ACSS3: variants seen among roughly 807,000 people sequenced by gnomAD.
ACSS3 encodes the protein acyl-CoA synthetase short-chain family member 3, mitochondrial.
A neutral mutation model predicts 84.2 loss-of-function variants in ACSS3; 64 were observed. That is an observed-to-expected ratio of 0.76 (90% CI 0.62 to 0.94). The LOEUF is 0.94. ACSS3 is among the 40% of genes least tolerant of loss of function. The pLI is 0.00. For missense variants in ACSS3, 815 were observed against 867.6 expected (o/e 0.94, Z 0.76); for synonymous variants, 317 against 310.1 (o/e 1.02, Z -0.23).
intron 9 of ACSS3, among the ~76,000 whole-genome samples, chr12:81,205,241 TACACATACCCTTATACTATGTTATTAA>T (rs2032295204): frequency 6.6e-6 from 1 of 152,238 alleles, no homozygotes; most frequent in Admixed American, 6.5e-5. Context: ...ATTCTAAGGG[TACACATACCCTTATACTATGTTATTAA>T]AATGTGTCAG....
At chr12:81,200,405 C>G (rs906375150) in intron 9 of ACSS3, among the ~76,000 whole-genome samples, 4 of 152,084 alleles carry the variant, frequency 2.6e-5, no homozygotes, top group Admixed American at 2.6e-4. Flanking sequence ...GCATCTGGGG[C>G]AGAATATCAA....
At chr12:81,240,131 T>A (rs1451074236) in intron 13 of ACSS3, among the ~76,000 whole-genome samples, 1 of 151,974 alleles carries the variant, frequency 6.6e-6, no homozygotes. Context: ...TTACTGATTG[T>A]GTGCCCAGTG....
intron 2 of ACSS3, among the ~76,000 whole-genome samples, chr12:81,113,303 C>T (rs1331041287): frequency 6.6e-6 from 1 of 152,066 alleles, no homozygotes; most frequent in African/African-American, 2.4e-5. Flanking sequence ...TCCCAATTGC[C>T]TACCCTCCGC....
chr12:81,251,439 A>G (rs972911956), intron 13 of ACSS3, among the ~76,000 whole-genome samples: 4 of 152,120 alleles, frequency 2.6e-5, no homozygotes, highest in Non-Finnish European at 5.9e-5. Context: ...TCTGGTACAA[A>G]CTTTTGATAA....
intron 13 of ACSS3, among the ~76,000 whole-genome samples, chr12:81,237,680 A>T (rs893245886): frequency 6.6e-6 from 1 of 151,622 alleles, no homozygotes; most frequent in Non-Finnish European, 1.5e-5. Context: ...AGCTTTACCC[A>T]CTTTCTGTGG....
Position 81,258,162 on chromosome 12 carries a change from A to G in ACSS3, c.*3240A>G, listed in dbSNP as rs1000900354. The G allele has an allele frequency of 6.6e-6, 1 of 152,136 alleles. No individual in the cohort carries two copies. Among genetic ancestry groups the G allele is most frequent in the African/African-American group, 2.4e-5 (1 of 41,442 alleles). 9.4% of individuals were successfully genotyped at this position (152,136 alleles called of 1,614,324 possible). A position where few individuals can be genotyped will look rare whatever the true frequency, so the allele number is the denominator to read the frequency against. ...AGATCTCCCTCTTGTGGCAGACTCAATTTTGAAGCTAAATATTTGGGTCAC... is the reference window on the plus strand; with the variant it reads ...AGATCTCCCTCTTGTGGCAGACTCAGTTTTGAAGCTAAATATTTGGGTCAC... On this transcript the variant is annotated 3_prime_UTR_variant, in exon 16 of 16. Coordinates refer to ENST00000548058, the MANE Select transcript of ACSS3 (RefSeq NM_024560.4).
chr12:81,113,376 G>A (rs1883765727), intron 2 of ACSS3, among the ~76,000 whole-genome samples: 1 of 152,088 alleles, frequency 6.6e-6, no homozygotes, highest in African/African-American at 2.4e-5. Context: ...CGTTCTCAGT[G>A]AGATGTTTTC....
In ACSS3 at chr12:81,253,576, G is replaced by A. The variant is rs747840747; in HGVS notation, c.1901G>A (p.Arg634Gln). The A allele has an allele frequency of 5.6e-6, 9 of 1,613,838 alleles. No homozygotes were observed. The highest frequency in any genetic ancestry group is 3.3e-5 in the Admixed American group (2 of 59,950). The stretch of plus-strand genomic sequence containing the variant: ...AACATTGGCCCTGTGGCTGCTTTTC[G>A]AAATGCAGTGTTTGTCAAACAGCTA... ...RQNIGPVAAF[R>Q]NAVFVKQLPK... is the part of the protein sequence containing the mutation. The change falls in exon 15 of 16, where the codon CGA becomes CAA. Residue 634 changes from arginine (R) to glutamine (Q), a missense_variant. Physicochemically the swap from Arg to Gln is conservative, Grantham distance 43 (BLOSUM62 1). Coordinates refer to ENST00000548058, the MANE Select transcript of ACSS3 (RefSeq NM_024560.4).
At chr12:81,079,968 A>T (rs958446667) in intron 1 of ACSS3, among the ~76,000 whole-genome samples, 12 of 152,070 alleles carry the variant, frequency 7.9e-5, no homozygotes, top group African/African-American at 2.9e-4. Context: ...GGAGCAGGAA[A>T]CTCTCCTAGT....
intron 1 of ACSS3, chr12:81,094,775 T>C (rs1440836364): frequency 6.6e-6 from 1 of 152,048 alleles, no homozygotes; most frequent in Non-Finnish European, 1.5e-5. Flanking sequence ...AGATGTAATA[T>C]GAAAAAATGA....
chr12:81,206,247 A>T (rs1016768122), intron 9 of ACSS3, among the ~76,000 whole-genome samples: 1 of 152,088 alleles, frequency 6.6e-6, no homozygotes, highest in Non-Finnish European at 1.5e-5. Context: ...TTTAAAGTAC[A>T]TGTCTGTGTT....
chr12:81,183,968 T>G (rs1237753166), intron 8 of ACSS3, among the ~76,000 whole-genome samples: 1 of 151,888 alleles, frequency 6.6e-6, no homozygotes, highest in African/African-American at 2.4e-5. Flanking sequence ...GAACTTCCCT[T>G]CCAACAGAAG....
At chr12:81,246,317 G>A (rs1191233033) in intron 13 of ACSS3, among the ~76,000 whole-genome samples, 3 of 152,116 alleles carry the variant, frequency 2.0e-5, no homozygotes, top group Non-Finnish European at 4.4e-5. Flanking sequence ...CTTCTTCGTT[G>A]TCACTTATCT....
At chr12:81,244,238 C>T (rs553851953) in intron 13 of ACSS3, among the ~76,000 whole-genome samples, 32 of 152,158 alleles carry the variant, frequency 2.1e-4, no homozygotes, top group Middle Eastern at 6.8e-3. Flanking sequence ...CTTATCTTTG[C>T]TTCTCTATAG....
intron 8 of ACSS3, among the ~76,000 whole-genome samples, chr12:81,188,097 G>C (rs1331711078): frequency 2.6e-5 from 4 of 151,860 alleles, no homozygotes; most frequent in Non-Finnish European, 4.4e-5. Flanking sequence ...TGAATTTAGA[G>C]ATATTCAGAG....
At chr12:81,165,849 A>T (rs1243423002) in intron 7 of ACSS3, among the ~76,000 whole-genome samples, 3 of 152,192 alleles carry the variant, frequency 2.0e-5, no homozygotes, top group Admixed American at 6.5e-5. Flanking sequence ...TGCAACTAGT[A>T]GATAGGAAGA....
Position 81,254,933 on chromosome 12 carries a change from T to G in ACSS3, c.*11T>G. Reference sequence around the variant, plus strand: ...CTGAAGCAAGCATAATGAGTTTGTCTTATTCCTATTTTGAGTTGATTTAAT... The same window carrying G: ...CTGAAGCAAGCATAATGAGTTTGTCGTATTCCTATTTTGAGTTGATTTAAT... On this transcript the variant is annotated 3_prime_UTR_variant, in exon 16 of 16. Coordinates refer to ENST00000548058, the MANE Select transcript of ACSS3 (RefSeq NM_024560.4). 6.4e-7 allele frequency: 1 copy of G among 1,565,950 alleles called. No individual in the cohort carries two copies. The highest frequency in any genetic ancestry group is 8.7e-7 in the Non-Finnish European group (1 of 1,154,144).
intron 11 of ACSS3, among the ~76,000 whole-genome samples, chr12:81,227,169 G>A (rs1028758843): frequency 2.0e-5 from 3 of 151,870 alleles, no homozygotes; most frequent in East Asian, 3.9e-4. Flanking sequence ...CTACTGGGAG[G>A]TCAGACTTTC....
At chr12:81,217,252 A>G (rs1269649554) in intron 10 of ACSS3, among the ~76,000 whole-genome samples, 5 of 152,200 alleles carry the variant, frequency 3.3e-5, no homozygotes, top group African/African-American at 1.2e-4. Flanking sequence ...GTGTGAAATT[A>G]CTATGAAGGA....
Sources: gnomAD v4.1 joint callset for allele counts (sites outside exome capture counted in the v4.1 genomes callset) on GRCh38, gnomAD v4.1.1 for gene constraint, MANE v1.5 for transcripts, NCBI Gene and HGNC (gene_info 2026-07-23, HGNC 2026-07-21) for gene names.